The following CTNNA2 variants were observed in gnomAD, a reference collection of about 807,000 sequenced individuals.
CTNNA2 encodes catenin alpha 2.
In CTNNA2, 42 loss-of-function variants were observed where a neutral mutation model predicts 101.0. That is an observed-to-expected ratio of 0.42 (90% confidence interval 0.32 to 0.54). The LOEUF is 0.54. Ranked by LOEUF, CTNNA2 falls within the 20% of genes least tolerant of loss-of-function variation. The probability of loss-of-function intolerance (pLI) is 0.14; values close to 1 mark genes in which losing one functional copy is unlikely to be tolerated. For missense variants in CTNNA2, 871 were observed against 1,223.1 expected (o/e 0.71, Z 4.29); for synonymous variants, 450 against 456.4 (o/e 0.99, Z 0.18).
At chr2:79,705,496 A>G (rs1685296336) in intron 2 of CTNNA2, among the ~76,000 whole-genome samples, 1 of 151,988 alleles carries the variant, frequency 6.6e-6, no homozygotes, top group African/African-American at 2.4e-5. Flanking sequence ...CCATGGTTTC[A>G]GGTGTCCACT....
chr2:80,616,016 A>G (rs1475298302), intron 17 of CTNNA2, among the ~76,000 whole-genome samples: 1 of 151,658 alleles, frequency 6.6e-6, no homozygotes, highest in Non-Finnish European at 1.5e-5. Context: ...CTTTTCTTTT[A>G]TCATCAATAC....
At chr2:80,107,296 TA>T (rs1432345648) in intron 7 of CTNNA2, among the ~76,000 whole-genome samples, 1 of 152,118 alleles carries the variant, frequency 6.6e-6, no homozygotes, top group Non-Finnish European at 1.5e-5. Context: ...CCTGTGCCTA[TA>T]AAGACCGTAG....
intron 2 of CTNNA2, among the ~76,000 whole-genome samples, chr2:79,231,648 A>G (rs1475463201): frequency 1.3e-5 from 2 of 152,190 alleles, no homozygotes; most frequent in African/African-American, 4.8e-5. Flanking sequence ...TGCTTTGGGC[A>G]GTATGGCCAT....
chr2:79,289,382 TTAATAAAAATGGAAATTA>T (rs1401025856), intron 2 of CTNNA2, among the ~76,000 whole-genome samples: 1 of 152,212 alleles, frequency 6.6e-6, no homozygotes, highest in Admixed American at 6.5e-5. Flanking sequence ...TGAGTGTTTG[TTAATAAAAATGGAAATTA>T]TATTCACTTT....
chr2:80,373,471 C>T (rs1324824801), intron 7 of CTNNA2, among the ~76,000 whole-genome samples: 1 of 152,114 alleles, frequency 6.6e-6, no homozygotes, highest in Non-Finnish European at 1.5e-5. Context: ...ATCAAAAGCA[C>T]CTGCAAGCTT....
chr2:80,118,178 A>C, intron 7 of CTNNA2, among the ~76,000 whole-genome samples: 1 of 152,192 alleles, frequency 6.6e-6, no homozygotes, highest in African/African-American at 2.4e-5. Flanking sequence ...TTGATGACCA[A>C]ATCTCAAATT....
At chr2:80,001,413 AC>A (rs1692939187) in intron 7 of CTNNA2, among the ~76,000 whole-genome samples, 1 of 152,170 alleles carries the variant, frequency 6.6e-6, no homozygotes, top group Non-Finnish European at 1.5e-5. Flanking sequence ...ATGATTTTGT[AC>A]ATTTATCTAA....
chr2:80,000,713 C>T (rs1297676187), intron 7 of CTNNA2, among the ~76,000 whole-genome samples: 1 of 152,124 alleles, frequency 6.6e-6, no homozygotes, highest in Non-Finnish European at 1.5e-5. Context: ...CTTGAATTCT[C>T]CAAGCAAGGA....
chr2:80,558,872 A>T (rs1693296178), intron 12 of CTNNA2, among the ~76,000 whole-genome samples: 2 of 152,160 alleles, frequency 1.3e-5, no homozygotes, highest in South Asian at 2.1e-4. Flanking sequence ...TTTTTAAAAA[A>T]TTCTGTGCCA....
Position 79,809,198 on chromosome 2 carries a change from G to A in CTNNA2, c.299-48815G>A, listed in dbSNP as rs557301176. Among the ~76,000 whole-genome samples the A allele has an allele frequency of 6.8e-4, 104 of 152,208 alleles. 1 individual carries two copies. Among genetic ancestry groups the A allele is most frequent in the African/African-American group, 2.2e-3 (92 of 41,552 alleles). On this transcript the variant is annotated intron_variant, in intron 3 of 18. Coordinates refer to ENST00000402739, the MANE Select transcript of CTNNA2 (RefSeq NM_001282597.3). The stretch of plus-strand genomic sequence containing the variant: ...TTTATCCAGTCTACCATTCATGGGC[G>A]TTTGGGTTGGTTCCAAGTCTTTTCT...
intron 1 of CTNNA2, among the ~76,000 whole-genome samples, chr2:79,600,995 A>C (rs1677518524): frequency 6.6e-6 from 1 of 152,214 alleles, no homozygotes; most frequent in Admixed American, 6.5e-5. Context: ...TCAACCTATA[A>C]ATTTTAGGGG....
chr2:80,241,439 T>C (rs764022711), intron 7 of CTNNA2, among the ~76,000 whole-genome samples: 7 of 151,930 alleles, frequency 4.6e-5, no homozygotes, highest in Admixed American at 2.0e-4. Flanking sequence ...ACATTTCTGT[T>C]TTATAAATTA....
intron 7 of CTNNA2, among the ~76,000 whole-genome samples, chr2:80,031,053 T>C (rs1695254369): frequency 6.6e-6 from 1 of 151,388 alleles, no homozygotes; most frequent in Non-Finnish European, 1.5e-5. Flanking sequence ...ATAATATGCA[T>C]AGATATTTTT....
chr2:79,969,204 C>G (rs542865173), intron 7 of CTNNA2, among the ~76,000 whole-genome samples: 1 of 152,042 alleles, frequency 6.6e-6, no homozygotes, highest in African/African-American at 2.4e-5. Context: ...ACAACAACAA[C>G]AAAAAAATTT....
chr2:79,605,505 A>G (rs1001256656), intron 1 of CTNNA2, among the ~76,000 whole-genome samples: 16 of 139,070 alleles, frequency 1.2e-4, no homozygotes, highest in Non-Finnish European at 2.0e-4. Flanking sequence ...TTATAATCTT[A>G]TAGTTCAAGA....
chr2:80,639,034 G>T (rs1673161171), intron 18 of CTNNA2, among the ~76,000 whole-genome samples: 1 of 139,174 alleles, frequency 7.2e-6, no homozygotes, highest in African/African-American at 2.5e-5. Flanking sequence ...AAGCCCTGAA[G>T]AAAAGATAAC....
At chr2:80,311,677 G>A (rs539458623) in intron 7 of CTNNA2, among the ~76,000 whole-genome samples, 5 of 152,202 alleles carry the variant, frequency 3.3e-5, no homozygotes, top group Non-Finnish European at 7.3e-5. Flanking sequence ...TGCTCTACGA[G>A]GGTAAAAGTA....
At chr2:79,446,732 C>T (rs1678837341) in intron 4 of CTNNA2, among the ~76,000 whole-genome samples, 1 of 152,060 alleles carries the variant, frequency 6.6e-6, no homozygotes. Flanking sequence ...AGGACAGTGT[C>T]ACCTGGATAG....
chr2:80,513,608 A>G (rs1688881249), intron 9 of CTNNA2, among the ~76,000 whole-genome samples: 1 of 152,242 alleles, frequency 6.6e-6, no homozygotes, highest in Non-Finnish European at 1.5e-5. Context: ...ACCTTCCAAA[A>G]TCTTGATGCC....
Sources: allele counts gnomAD v4.1 joint callset (sites outside exome capture counted in the v4.1 genomes callset), GRCh38; gene constraint gnomAD v4.1.1; transcripts MANE v1.5; gene names NCBI Gene and HGNC (gene_info 2026-07-23, HGNC 2026-07-21).